The following KY variants were observed in gnomAD, a reference collection of about 807,000 sequenced individuals.
KY encodes the protein kyphoscoliosis peptidase.
Under a neutral mutation model 76.1 loss-of-function variants are expected in KY, and 43 were observed. The ratio of observed to expected loss-of-function variants is 0.57; its 90% CI spans 0.44 to 0.73. The LOEUF is 0.73. KY is among the 30% of genes least tolerant of loss of function. The pLI is 0.00. For synonymous variants in KY, 277 were observed against 326.2 expected, an observed-to-expected ratio of 0.85 and a Z score of 1.63; for missense variants, 722 against 828.9, an observed-to-expected ratio of 0.87 and a Z score of 1.58.
chr3:134,644,354 G>A (rs549076534), intron 2 of KY, among the ~76,000 whole-genome samples: 1 of 152,330 alleles, frequency 6.6e-6, no homozygotes, highest in African/African-American at 2.4e-5. Context: ...CCTGCCATAG[G>A]CCAAGAAGCG....
Position 134,650,812 on chromosome 3 carries a change from G to C in KY, c.136+13C>G. 2 of 1,563,338 alleles carry C rather than the reference G, an allele frequency of 1.3e-6. No individual in the cohort carries two copies. The highest frequency in any genetic ancestry group is 1.7e-6 in the Non-Finnish European group (2 of 1,153,546). ...GCCGGGGGACCCGGGGACCCGGGTC[G>C]GGCGCGCGTTACCTCCTCCGCGCTG... On this transcript the variant is annotated intron_variant, in intron 1 of 10. Transcript: ENST00000423778.
chr3:134,631,718 T>C (rs1182902645), intron 3 of KY, among the ~76,000 whole-genome samples: 2 of 151,840 alleles, frequency 1.3e-5, no homozygotes, highest in African/African-American at 4.8e-5. Flanking sequence ...TATGGAGATA[T>C]AGTAAAAAAA....
chr3:134,650,685 G>C, intron 1 of KY, 140 bp downstream of exon 1: 1 of 776,450 alleles, frequency 1.3e-6, no homozygotes, highest in Non-Finnish European at 2.0e-6. Flanking sequence ...CTGCGGGGAA[G>C]CGACGGCAGC....
intron 6 of KY, among the ~76,000 whole-genome samples, chr3:134,623,526 C>T (rs560716084): frequency 6.6e-6 from 1 of 152,138 alleles, no homozygotes; most frequent in South Asian, 2.1e-4. Flanking sequence ...CCCTTCCTTT[C>T]CTGGCTGCTC....
intron 3 of KY, among the ~76,000 whole-genome samples, chr3:134,639,047 C>T (rs1268612317): frequency 1.5e-4 from 20 of 135,812 alleles, no homozygotes; most frequent in Admixed American, 3.7e-4. Flanking sequence ...CATTTACAGC[C>T]TTTTTTTTTT....
intron 3 of KY, among the ~76,000 whole-genome samples, chr3:134,638,376 ACC>A (rs1965268549): frequency 6.6e-6 from 1 of 152,168 alleles, no homozygotes; most frequent in South Asian, 2.1e-4. Context: ...TCAGATCTAA[ACC>A]CTAAGTACAG....
At chr3:134,615,941 A>G (rs1382136768) in intron 8 of KY, among the ~76,000 whole-genome samples, 1 of 151,608 alleles carries the variant, frequency 6.6e-6, no homozygotes, top group East Asian at 1.9e-4. Context: ...GTGACAACCA[A>G]CTCCCTCAGT....
chr3:134,601,029 C>G lies in KY; in HGVS notation c.*2550G>C, dbSNP rs1958940085. The G allele has an allele frequency of 6.6e-6, 1 of 152,342 alleles. No homozygotes were observed. The highest frequency in any genetic ancestry group is 1.9e-4 in the East Asian group (1 of 5,188). The allele number at this position is 152,342 out of a possible 1,614,324, so 9.4% of individuals were successfully genotyped here. A position where few individuals can be genotyped will look rare whatever the true frequency, so the allele number is the denominator to read the frequency against. On this transcript the variant is annotated 3_prime_UTR_variant, in exon 11 of 11. Coordinates refer to ENST00000423778, the MANE Select transcript of KY (RefSeq NM_178554.6). ...CGCACTTCGGACACCTGGGGGCGCC[C>G]GTGCCATTCCGCCGGCGACTGGGAC...
At chr3:134,627,398 C>G (rs549210079) in intron 5 of KY, among the ~76,000 whole-genome samples, 4 of 152,184 alleles carry the variant, frequency 2.6e-5, no homozygotes, top group Admixed American at 6.5e-5. Flanking sequence ...GTTTCTTCCT[C>G]TGCTTCACTC....
Position 134,619,235 on chromosome 3 carries a change from T to C in KY, c.623A>G (p.Asp208Gly), listed in dbSNP as rs755216212. 1 of 1,613,920 alleles carries C rather than the reference T, an allele frequency of 6.2e-7. No individual in the cohort carries two copies. Among genetic ancestry groups the C allele is most frequent in the Non-Finnish European group, 8.5e-7 (1 of 1,179,854 alleles). ...EYDIAAAQEK[D>G]RQAFKPTDIL... ...GTCAGTGGGTTTGAAGGCTTGGCGGTCCTTCTCCTGAGCAGCTGCAATGTC... is the reference window on the plus strand; with the variant it reads ...GTCAGTGGGTTTGAAGGCTTGGCGGCCCTTCTCCTGAGCAGCTGCAATGTC... Residue 208 changes from aspartate to glycine, a missense_variant, in exon 8 of 11, where the codon GAC becomes GGC. Physicochemically the swap from Asp to Gly is moderately conservative, Grantham distance 94. Transcript: ENST00000423778.
chr3:134,631,710 T>A (rs1453070561), intron 3 of KY, among the ~76,000 whole-genome samples: 1 of 151,982 alleles, frequency 6.6e-6, no homozygotes, highest in East Asian at 1.9e-4. Flanking sequence ...ATAGCTATTA[T>A]GGAGATATAG....
In KY at chr3:134,635,644, T is replaced by C. The variant is rs544242753; in HGVS notation, c.263-5949A>G. Among the ~76,000 whole-genome samples, 5 of 152,298 alleles carry C rather than the reference T, an allele frequency of 3.3e-5. No individual in the cohort carries two copies. In the East Asian group the frequency reaches 7.7e-4, roughly 24 times the overall value. ...TGGTGTATTCTGGATATTCTGATGA[T>C]GGTAACCACCATAGTGGTGGTTTCA... On this transcript the variant is annotated intron_variant, in intron 3 of 10. Transcript: ENST00000423778.
chr3:134,642,394 A>G (rs1427887469), intron 3 of KY, among the ~76,000 whole-genome samples: 1 of 152,162 alleles, frequency 6.6e-6, no homozygotes, highest in African/African-American at 2.4e-5. Flanking sequence ...AGCCTGTGAG[A>G]ATACTCAGAC....
intron 1 of KY, among the ~76,000 whole-genome samples, chr3:134,648,469 G>A (rs1396621027): frequency 6.6e-6 from 1 of 152,152 alleles, no homozygotes; most frequent in Non-Finnish European, 1.5e-5. Context: ...AAGCTCATTG[G>A]GTCTTGCCCC....
intron 8 of KY, chr3:134,610,648 T>A (rs554283591): frequency 2.5e-6 from 1 of 400,328 alleles, no homozygotes; most frequent in South Asian, 4.9e-5. Context: ...ACCAACACCA[T>A]TCAGATCACT....
At chr3:134,620,369 CA>C (rs558124652) in intron 7 of KY, among the ~76,000 whole-genome samples, 78 of 152,296 alleles carry the variant, frequency 5.1e-4, no homozygotes, top group African/African-American at 1.8e-3. Flanking sequence ...ACTTTTCAAA[CA>C]GCTGCAACTT....
chr3:134,607,365 C>G (rs996332792), intron 10 of KY: 1 of 985,414 alleles, frequency 1.0e-6, no homozygotes, highest in Non-Finnish European at 1.2e-6. Context: ...CTGTGCTCCC[C>G]GCTGCCCCAT....
chr3:134,642,691 A>G (rs1965912733), intron 3 of KY, among the ~76,000 whole-genome samples: 1 of 152,210 alleles, frequency 6.6e-6, no homozygotes, highest in Non-Finnish European at 1.5e-5. Flanking sequence ...GGAGAGGCCG[A>G]AGAACTGCTA....
intron 4 of KY, 161 bp downstream of exon 4, chr3:134,629,460 C>A (rs747799207): frequency 1.7e-6 from 1 of 590,722 alleles, no homozygotes; most frequent in East Asian, 2.8e-5. Context: ...AGAAAAGAGT[C>A]TCCCAGGATA....
Sources: gnomAD v4.1 joint callset for allele counts (sites outside exome capture counted in the v4.1 genomes callset) on GRCh38, gnomAD v4.1.1 for gene constraint, MANE v1.5 for transcripts, NCBI Gene and HGNC (gene_info 2026-07-23, HGNC 2026-07-21) for gene names.